Variants in TMEM71 observed in about 807,000 individuals in gnomAD.
TMEM71 encodes the protein transmembrane protein 71.
Under a neutral mutation model 38.0 loss-of-function variants are expected in TMEM71, and 44 were observed. The ratio of observed to expected loss-of-function variants is 1.16; its 90% CI spans 0.91 to 1.49. The LOEUF is 1.49. TMEM71 is among the 40% of genes most tolerant of loss of function. The pLI, the probability that TMEM71 is intolerant of heterozygous loss-of-function variation, is 0.00. For missense variants in TMEM71, 367 were observed against 348.6 expected, an observed-to-expected ratio of 1.05 and a Z score of -0.42; for synonymous variants, 133 against 122.5, an observed-to-expected ratio of 1.09 and a Z score of -0.56.
In TMEM71 at chr8:132,727,499, G is replaced by A. The variant is rs544628176; in HGVS notation, c.676+299C>T. Among the ~76,000 whole-genome samples, 19 of 151,998 alleles carry A rather than the reference G, an allele frequency of 1.3e-4. No individual in the cohort carries two copies. In the South Asian group the frequency reaches 1.9e-3, roughly 15 times the overall value. ...TCTTGATCTCCTGACCTTGTGATCCGCCCGCCTCGGCCTCCCAAAGTGCTG... is the reference window on the plus strand; with the variant it reads ...TCTTGATCTCCTGACCTTGTGATCCACCCGCCTCGGCCTCCCAAAGTGCTG... On this transcript the variant is annotated intron_variant, in intron 6 of 9. Coordinates refer to ENST00000677595, the MANE Select transcript of TMEM71 (RefSeq NM_001382403.1).
At chr8:132,753,557 G>T (rs890410777) in intron 3 of TMEM71, among the ~76,000 whole-genome samples, 3 of 152,008 alleles carry the variant, frequency 2.0e-5, no homozygotes, top group Non-Finnish European at 4.4e-5. Flanking sequence ...GTCTCTGCAT[G>T]CACACCTTCA....
upstream of TMEM71, among the ~76,000 whole-genome samples, chr8:132,761,042 A>C (rs1238944485): frequency 3.9e-5 from 6 of 152,260 alleles, no homozygotes; most frequent in Non-Finnish European, 7.3e-5. Flanking sequence ...TAGAGGCAAT[A>C]GGTTTATCTA....
chr8:132,739,600 C>T (rs139343894), intron 5 of TMEM71, among the ~76,000 whole-genome samples: 212 of 152,096 alleles, frequency 1.4e-3, no homozygotes, highest in African/African-American at 4.9e-3. Flanking sequence ...AGTGAGCCAC[C>T]GTGTCAGGCC....
At chr8:132,731,986 A>C (rs1827484127) in intron 5 of TMEM71, among the ~76,000 whole-genome samples, 1 of 152,190 alleles carries the variant, frequency 6.6e-6, no homozygotes, top group Admixed American at 6.5e-5. Context: ...GAGCAAAAGT[A>C]AGGCGGGAGG....
downstream of TMEM71, among the ~76,000 whole-genome samples, chr8:132,705,910 A>G (rs549790938): frequency 6.6e-6 from 1 of 152,300 alleles, no homozygotes; most frequent in South Asian, 2.1e-4. Context: ...TTTTGTCCCT[A>G]TAAGATTCAT....
At chr8:132,728,020 G>A (rs1267376882) in intron 5 of TMEM71, 34 bp from the exon 6 acceptor site, 2 of 1,041,936 alleles carry the variant, frequency 1.9e-6, no homozygotes, top group Middle Eastern at 3.7e-4. Context: ...GTGAGTGTGT[G>A]TGTGTGTGTG....
chr8:132,746,978 T>C lies in TMEM71; in HGVS notation c.451A>G (p.Thr151Ala). The C allele has an allele frequency of 6.2e-7, 1 of 1,611,852 alleles. No individual in the cohort carries two copies. Among genetic ancestry groups the C allele is most frequent in the Non-Finnish European group, 8.5e-7 (1 of 1,179,342 alleles). The change falls in exon 5 of 10, where the codon ACC becomes GCC. Residue 151 changes from threonine (T) to alanine (A), a missense_variant. Thr to Ala is a moderately conservative substitution (Grantham distance 58). Coordinates refer to ENST00000677595, the MANE Select transcript of TMEM71 (RefSeq NM_001382403.1). ...CAATGGTCTGTGTCCAACCTCCTGG[T>C]CCCCTTCAACCAGTTGTCTTCACTT... ...SPSEDNWLKGTRRLDTDHCNG... is the reference protein window; with the variant it reads ...SPSEDNWLKGARRLDTDHCNG...
intron 6 of TMEM71, among the ~76,000 whole-genome samples, chr8:132,726,201 A>G (rs1232038812): frequency 6.6e-6 from 1 of 151,850 alleles, no homozygotes; most frequent in African/African-American, 2.4e-5. Context: ...GAGCCTTCTT[A>G]GGTGTTGATA....
chr8:132,715,342 G>A (rs1487209044), intron 7 of TMEM71, among the ~76,000 whole-genome samples: 6 of 145,040 alleles, frequency 4.1e-5, no homozygotes, highest in African/African-American at 7.8e-5. Context: ...CCCGGGAGGC[G>A]GAGCTTGCAG....
intron 4 of TMEM71, among the ~76,000 whole-genome samples, chr8:132,750,931 C>T (rs1828672693): frequency 6.6e-6 from 1 of 152,134 alleles, no homozygotes; most frequent in Non-Finnish European, 1.5e-5. Context: ...TTATCTATTT[C>T]CCCACCTTTA....
At chr8:132,735,087 G>A (rs753861257) in intron 5 of TMEM71, among the ~76,000 whole-genome samples, 3 of 152,184 alleles carry the variant, frequency 2.0e-5, no homozygotes, top group Non-Finnish European at 2.9e-5. Flanking sequence ...CAGAAATAGA[G>A]TCCATCCTGT....
At chr8:132,771,439 G>A in the TMEM71 span, among the ~76,000 whole-genome samples, 3 of 152,072 alleles carry the variant, frequency 2.0e-5, no homozygotes, top group Non-Finnish European at 4.4e-5. Context: ...TAGTAGCAGA[G>A]ACTTTGATAT....
the TMEM71 span, among the ~76,000 whole-genome samples, chr8:132,771,981 C>G: frequency 6.6e-6 from 1 of 152,128 alleles, no homozygotes; most frequent in African/African-American, 2.4e-5. Flanking sequence ...TTTTTATGCA[C>G]ATGGAATGAA....
chr8:132,729,816 C>T (rs1458868845), intron 5 of TMEM71, among the ~76,000 whole-genome samples: 1 of 152,122 alleles, frequency 6.6e-6, no homozygotes. Flanking sequence ...AATGCTATTT[C>T]CTCAATGAAA....
intron 1 of TMEM71, chr8:132,759,293 C>T (rs1829199841): frequency 6.4e-6 from 1 of 157,184 alleles, no homozygotes; most frequent in Non-Finnish European, 1.4e-5. Flanking sequence ...CCAAAACAAA[C>T]TTACGTGTAT....
chr8:132,749,929 G>A (rs2467978), intron 4 of TMEM71, among the ~76,000 whole-genome samples: 1 of 150,184 alleles, frequency 6.7e-6, no homozygotes, highest in African/African-American at 2.4e-5. Context: ...CAGAAGAATC[G>A]CTTGAACCAG....
chr8:132,714,523 T>G (rs1826399608), intron 7 of TMEM71, among the ~76,000 whole-genome samples: 1 of 152,090 alleles, frequency 6.6e-6, no homozygotes, highest in Non-Finnish European at 1.5e-5. Context: ...AAAATGAACC[T>G]CCACATGTAT....
chr8:132,709,426 G>A (rs1054914318), downstream of TMEM71, among the ~76,000 whole-genome samples: 3 of 152,156 alleles, frequency 2.0e-5, no homozygotes, highest in African/African-American at 7.2e-5. Flanking sequence ...CCCCAAAATA[G>A]CCAGGTTCTA....
chr8:132,731,105 G>A (rs1827429324), intron 5 of TMEM71, among the ~76,000 whole-genome samples: 1 of 152,138 alleles, frequency 6.6e-6, no homozygotes, highest in Admixed American at 6.5e-5. Flanking sequence ...CTGATCCTGA[G>A]TTTCTTCATG....
Sources: gnomAD v4.1 joint callset for allele counts (sites outside exome capture counted in the v4.1 genomes callset) on GRCh38, gnomAD v4.1.1 for gene constraint, MANE v1.5 for transcripts, NCBI Gene and HGNC (gene_info 2026-07-23, HGNC 2026-07-21) for gene names.